Variants in ABTB3 observed in about 807,000 individuals in gnomAD.
ABTB3 encodes ankyrin repeat and BTB domain containing 3, also known as ankyrin repeat- and BTB/POZ domain-containing protein 3.
At chr12:107,573,800 G>T in the ABTB3 span, among the ~76,000 whole-genome samples, 4 of 152,180 alleles carry the variant, frequency 2.6e-5, no homozygotes, top group South Asian at 6.2e-4. Flanking sequence ...TTCTCTTGAC[G>T]CCTCCAACTG....
At chr12:107,401,204 C>T in the ABTB3 span, among the ~76,000 whole-genome samples, 1 of 152,150 alleles carries the variant, frequency 6.6e-6, no homozygotes, top group South Asian at 2.1e-4. Context: ...GAGGCTCAGC[C>T]TCAGAAAGCA....
chr12:107,645,259 G>A, the ABTB3 span, among the ~76,000 whole-genome samples: 24 of 152,158 alleles, frequency 1.6e-4, no homozygotes, highest in African/African-American at 4.6e-4. Flanking sequence ...GAGCCACTGC[G>A]TCTGGCCCAG....
chr12:107,615,585 T>G, the ABTB3 span, among the ~76,000 whole-genome samples: 1 of 152,198 alleles, frequency 6.6e-6, no homozygotes, highest in African/African-American at 2.4e-5. Context: ...GGAAGAAGCA[T>G]CCAAGACATC....
the ABTB3 span, among the ~76,000 whole-genome samples, chr12:107,459,475 C>T: frequency 6.6e-6 from 1 of 152,152 alleles, no homozygotes; most frequent in East Asian, 1.9e-4. Context: ...AAATTCAAAC[C>T]TATAGGAGGT....
chr12:107,613,861 T>C, the ABTB3 span, among the ~76,000 whole-genome samples: 1 of 152,092 alleles, frequency 6.6e-6, no homozygotes. Context: ...CAGTACTGTG[T>C]GTGTGTGTTT....
chr12:107,640,427 G>T, the ABTB3 span: 100 of 1,483,302 alleles, frequency 6.7e-5, no homozygotes, highest in African/African-American at 1.3e-3. Flanking sequence ...CGTATCATCG[G>T]TTTTGAAAGC....
At chr12:107,399,341 T>C in the ABTB3 span, among the ~76,000 whole-genome samples, 73 of 152,252 alleles carry the variant, frequency 4.8e-4, no homozygotes, top group African/African-American at 1.7e-3. Flanking sequence ...GGGAACACTG[T>C]GGAAACAGGA....
chr12:107,645,464 C>A, the ABTB3 span, among the ~76,000 whole-genome samples: 9 of 152,170 alleles, frequency 5.9e-5, no homozygotes, highest in Non-Finnish European at 8.8e-5. Flanking sequence ...CTGCTCCTAG[C>A]AGAGCTGAGG....
the ABTB3 span, among the ~76,000 whole-genome samples, chr12:107,349,404 G>C: frequency 6.6e-6 from 1 of 152,200 alleles, no homozygotes; most frequent in Non-Finnish European, 1.5e-5. Flanking sequence ...TCAGAGTAAG[G>C]TGCATAACAG....
At chr12:107,432,157 G>A in the ABTB3 span, among the ~76,000 whole-genome samples, 28 of 152,168 alleles carry the variant, frequency 1.8e-4, no homozygotes, top group Non-Finnish European at 3.4e-4. Context: ...TATGGGTTTG[G>A]CACAACACAG....
At chr12:107,463,320 G>C in the ABTB3 span, among the ~76,000 whole-genome samples, 1 of 151,896 alleles carries the variant, frequency 6.6e-6, no homozygotes, top group Non-Finnish European at 1.5e-5. Context: ...TGGTGGTAGT[G>C]AGGGTGATGG....
chr12:107,640,044 T>G, the ABTB3 span, among the ~76,000 whole-genome samples: 1 of 152,046 alleles, frequency 6.6e-6, no homozygotes, highest in South Asian at 2.1e-4. Context: ...AGAGACAAGG[T>G]GGGTGGGTGA....
At chr12:107,450,206 A>G in the ABTB3 span, among the ~76,000 whole-genome samples, 5 of 151,938 alleles carry the variant, frequency 3.3e-5, no homozygotes, top group East Asian at 9.7e-4. Flanking sequence ...TAAAAAAATC[A>G]TTTTCTTCTC....
the ABTB3 span, among the ~76,000 whole-genome samples, chr12:107,568,349 G>C: frequency 6.6e-6 from 1 of 152,208 alleles, no homozygotes; most frequent in Non-Finnish European, 1.5e-5. Flanking sequence ...TGATGACGAT[G>C]TGTGTAGATC....
the ABTB3 span, among the ~76,000 whole-genome samples, chr12:107,563,178 C>A: frequency 6.6e-6 from 1 of 152,200 alleles, no homozygotes; most frequent in African/African-American, 2.4e-5. Flanking sequence ...GCACACTTTG[C>A]TATTTTTATC....
chr12:107,396,380 A>C, the ABTB3 span, among the ~76,000 whole-genome samples: 2 of 152,214 alleles, frequency 1.3e-5, no homozygotes, highest in African/African-American at 4.8e-5. Flanking sequence ...AAGCTCTGGC[A>C]AGTGGTTTAA....
the ABTB3 span, among the ~76,000 whole-genome samples, chr12:107,450,998 A>G: frequency 1.3e-5 from 2 of 151,786 alleles, no homozygotes; most frequent in African/African-American, 4.8e-5. Flanking sequence ...TTTTAAATGC[A>G]TGTGAAGTAT....
chr12:107,416,172 A>G, the ABTB3 span, among the ~76,000 whole-genome samples: 96 of 152,306 alleles, frequency 6.3e-4, no homozygotes, highest in Non-Finnish European at 1.1e-3. Flanking sequence ...GAATCCAAGG[A>G]AAGGTGCCAG....
the ABTB3 span, among the ~76,000 whole-genome samples, chr12:107,632,837 C>T: frequency 6.6e-6 from 1 of 152,174 alleles, no homozygotes; most frequent in Non-Finnish European, 1.5e-5. Context: ...GTCCTACTTC[C>T]TTGCTGACTG....
Sources: allele counts gnomAD v4.1 joint callset (sites outside exome capture counted in the v4.1 genomes callset), GRCh38; gene constraint gnomAD v4.1.1; transcripts MANE v1.5; gene names NCBI Gene and HGNC (gene_info 2026-07-23, HGNC 2026-07-21).